The following RAB6B variants were observed in gnomAD, a reference collection of about 807,000 sequenced individuals.
RAB6B encodes RAB6B, member RAS oncogene family.
A neutral mutation model predicts 31.2 loss-of-function variants in RAB6B; 7 were observed. The ratio of observed to expected loss-of-function variants is 0.22; its 90% CI spans 0.13 to 0.42. RAB6B has a LOEUF of 0.42. Ranked by LOEUF, RAB6B falls within the 10% of genes least tolerant of loss-of-function variation. The pLI, the probability that RAB6B is intolerant of heterozygous loss-of-function variation, is 1.00. For missense variants in RAB6B, 149 were observed against 280.6 expected, an observed-to-expected ratio of 0.53 and a Z score of 3.35; for synonymous variants, 105 against 104.9, an observed-to-expected ratio of 1.00 and a Z score of -0.01.
chr3:133,875,659 C>A (rs1416263208), intron 1 of RAB6B, among the ~76,000 whole-genome samples: 1 of 152,156 alleles, frequency 6.6e-6, no homozygotes, highest in East Asian at 1.9e-4. Flanking sequence ...ATCATCCCTG[C>A]CCTGGGGCTT....
chr3:133,868,750 T>C (rs140860900), intron 1 of RAB6B, among the ~76,000 whole-genome samples: 1,680 of 152,320 alleles, frequency 0.011, 17 homozygotes, highest in Non-Finnish European at 0.014. Flanking sequence ...AGAAAATTCA[T>C]TACTGAGCAT....
At chr3:133,848,666 G>A (rs907328373) in intron 2 of RAB6B, among the ~76,000 whole-genome samples, 3 of 151,960 alleles carry the variant, frequency 2.0e-5, no homozygotes, top group Admixed American at 6.6e-5. Flanking sequence ...CCCAAACTCC[G>A]ATGGTACCAC....
At chr3:133,889,544 C>T (rs904681684) in intron 1 of RAB6B, among the ~76,000 whole-genome samples, 4 of 151,186 alleles carry the variant, frequency 2.6e-5, no homozygotes, top group Non-Finnish European at 4.4e-5. Context: ...AAGCGATTCT[C>T]CTGCCTCAGG....
chr3:133,841,491 T>C, intron 3 of RAB6B, 101 bp from the exon 4 acceptor site: 2 of 1,526,532 alleles, frequency 1.3e-6, no homozygotes, highest in Non-Finnish European at 9.0e-7. Context: ...AATGCTGGCA[T>C]CACCAGCTCC....
At chr3:133,895,245 G>C in intron 1 of RAB6B, 152 bp downstream of exon 1, 55 of 390,042 alleles carry the variant, frequency 1.4e-4, no homozygotes, top group East Asian at 2.0e-4. Flanking sequence ...TCCCCAGCCC[G>C]ACCCCGCCCC....
chr3:133,872,321 T>C (rs1012886805), intron 1 of RAB6B, among the ~76,000 whole-genome samples: 3 of 152,256 alleles, frequency 2.0e-5, no homozygotes, highest in African/African-American at 7.2e-5. Context: ...GCAGAGGGAC[T>C]CGGCCCTTGC....
intron 1 of RAB6B, among the ~76,000 whole-genome samples, chr3:133,886,357 T>A (rs906700744): frequency 2.0e-5 from 3 of 152,214 alleles, no homozygotes; most frequent in African/African-American, 7.2e-5. Context: ...GTGGGCCAAG[T>A]ACTACCGACC....
rs563653413 is a variant in RAB6B, at chr3:133,863,218, C to G, written c.129+1366G>C. ...CCTATGGTCAGTTTCACCAAGTCCA[C>G]TGGCTAGCCAGTATTTCAGACCATA... is the stretch of plus-strand genomic sequence containing the variant. On this transcript the variant is annotated intron_variant, in intron 2 of 7. Coordinates refer to ENST00000285208, the MANE Select transcript of RAB6B (RefSeq NM_016577.4). Among the ~76,000 whole-genome samples the G allele has an allele frequency of 3.9e-5, 6 of 152,350 alleles. No individual in the cohort carries two copies. In the East Asian group the frequency reaches 1.2e-3, roughly 29 times the overall value.
At chr3:133,885,008 A>G (rs1439337776) in intron 1 of RAB6B, among the ~76,000 whole-genome samples, 1 of 145,980 alleles carries the variant, frequency 6.9e-6, no homozygotes, top group African/African-American at 2.6e-5. Context: ...CGGGGCTCAT[A>G]TATCCCAATA....
intron 2 of RAB6B, among the ~76,000 whole-genome samples, chr3:133,844,706 G>C (rs113323680): frequency 6.6e-6 from 1 of 152,130 alleles, no homozygotes; most frequent in African/African-American, 2.4e-5. Flanking sequence ...GAAAGACCAA[G>C]GCAGGAGGAT....
At chr3:133,867,837 T>G (rs1936259074) in intron 1 of RAB6B, among the ~76,000 whole-genome samples, 1 of 152,166 alleles carries the variant, frequency 6.6e-6, no homozygotes, top group Non-Finnish European at 1.5e-5. Context: ...GACTCATTCT[T>G]ACTTTGCTGC....
Position 133,895,512 on chromosome 3 carries a change from A to G in RAB6B, c.-46T>C. 6.3e-7 allele frequency: 1 copy of G among 1,590,860 alleles called. No homozygotes were observed. The highest frequency in any genetic ancestry group is 8.6e-7 in the Non-Finnish European group (1 of 1,161,390). On this transcript the variant is annotated 5_prime_UTR_variant, in exon 1 of 8. Transcript: ENST00000285208. ...GGAGAGGAGGAGGAGGAAAAAGCGA[A>G]GGAGCAGGGAGGGGAGAGTAGGAGG...
intron 5 of RAB6B, 65 bp from the exon 6 acceptor site, chr3:133,838,324 G>A (rs1189636042): frequency 6.9e-7 from 1 of 1,454,572 alleles, no homozygotes; most frequent in Admixed American, 1.7e-5. Context: ...GATATGAGGA[G>A]GGACCCACCC....
chr3:133,894,022 A>G (rs1364978779), intron 1 of RAB6B, among the ~76,000 whole-genome samples: 1 of 152,162 alleles, frequency 6.6e-6, no homozygotes, highest in Non-Finnish European at 1.5e-5. Context: ...CCTTCTCTGA[A>G]CCATCCATCT....
intron 2 of RAB6B, among the ~76,000 whole-genome samples, chr3:133,854,648 A>G (rs1936048640): frequency 6.6e-6 from 1 of 152,254 alleles, no homozygotes; most frequent in East Asian, 1.9e-4. Flanking sequence ...ACAAAATGTG[A>G]GGAATCTTAT....
intron 1 of RAB6B, chr3:133,885,600 G>A (rs571920706): frequency 2.3e-5 from 16 of 702,848 alleles, no homozygotes; most frequent in African/African-American, 1.2e-4. Flanking sequence ...GGAGGAGTCC[G>A]GAAGGGCTGC....
chr3:133,852,175 G>C (rs1935996521), intron 2 of RAB6B, among the ~76,000 whole-genome samples: 1 of 152,228 alleles, frequency 6.6e-6, no homozygotes, highest in Non-Finnish European at 1.5e-5. Flanking sequence ...CTCTGTCTAA[G>C]AGCTGTGTCT....
At chr3:133,839,369 A>G (rs896702409) in intron 5 of RAB6B, 137 bp downstream of exon 5, 2 of 709,274 alleles carry the variant, frequency 2.8e-6, no homozygotes, top group Non-Finnish European at 4.9e-6. Context: ...CAAAGCTCCT[A>G]GTGTCTCAAG....
intron 1 of RAB6B, among the ~76,000 whole-genome samples, chr3:133,868,703 G>C (rs1936276226): frequency 1.3e-5 from 2 of 152,184 alleles, no homozygotes; most frequent in African/African-American, 2.4e-5. Flanking sequence ...GATTAAGCAA[G>C]GAGATGCATT....
Sources: gnomAD v4.1 joint callset for allele counts (sites outside exome capture counted in the v4.1 genomes callset) on GRCh38, gnomAD v4.1.1 for gene constraint, MANE v1.5 for transcripts, NCBI Gene and HGNC (gene_info 2026-07-23, HGNC 2026-07-21) for gene names.